The following ARL15 variants were observed in gnomAD, a reference collection of about 807,000 sequenced individuals.
ARL15 encodes the protein ADP-ribosylation factor-like protein 15.
A neutral mutation model predicts 25.2 loss-of-function variants in ARL15; 19 were observed. The observed-to-expected ratio is 0.75, with a 90% CI of 0.53 to 1.10. The LOEUF (loss-of-function observed/expected upper bound fraction) is 1.10, where lower values mean the gene tolerates loss of function less well. Ranked by LOEUF, ARL15 falls within the 50% of genes least tolerant of loss-of-function variation. ARL15 has a pLI of 0.00. For missense variants in ARL15, 220 were observed against 246.0 expected (o/e 0.89, Z 0.71); for synonymous variants, 94 against 86.8 (o/e 1.08, Z -0.46).
At chr5:53,967,074 A>G (rs993342797) in intron 4 of ARL15, among the ~76,000 whole-genome samples, 11 of 152,244 alleles carry the variant, frequency 7.2e-5, no homozygotes, top group African/African-American at 2.7e-4. Context: ...AAGTCAGTTC[A>G]TATATTATAA....
chr5:54,027,844 AAG>A (rs1483708104), intron 4 of ARL15, among the ~76,000 whole-genome samples: 1 of 152,188 alleles, frequency 6.6e-6, no homozygotes, highest in Admixed American at 6.5e-5. Flanking sequence ...ATTCCCAGAA[AAG>A]AGTCATTACT....
chr5:54,116,234 A>G (rs1349166619), intron 3 of ARL15, among the ~76,000 whole-genome samples: 3 of 152,168 alleles, frequency 2.0e-5, no homozygotes, highest in Admixed American at 2.0e-4. Context: ...AGCCAAGGGC[A>G]GGCCTCTGGA....
chr5:53,908,375 TC>T (rs1206770830), intron 4 of ARL15, among the ~76,000 whole-genome samples: 3 of 152,328 alleles, frequency 2.0e-5, no homozygotes, highest in Non-Finnish European at 2.9e-5. Flanking sequence ...GAACTTTTTT[TC>T]CTCATCATTA....
chr5:54,068,411 T>A (rs561068395), intron 4 of ARL15, among the ~76,000 whole-genome samples: 1 of 152,310 alleles, frequency 6.6e-6, no homozygotes, highest in South Asian at 2.1e-4. Context: ...GTATCCAACA[T>A]TTATGGAAAA....
At chr5:54,074,453 AAAC>A (rs1406653937) in intron 4 of ARL15, among the ~76,000 whole-genome samples, 1 of 152,210 alleles carries the variant, frequency 6.6e-6, no homozygotes, top group Non-Finnish European at 1.5e-5. Context: ...GTAAGCTAAT[AAAC>A]AACTGAGAAG....
intron 4 of ARL15, among the ~76,000 whole-genome samples, chr5:53,925,486 T>A (rs552883304): frequency 7.9e-5 from 12 of 152,190 alleles, no homozygotes; most frequent in Non-Finnish European, 1.5e-5. Context: ...CGTGAACCAC[T>A]GTGCCTGGCC....
chr5:54,305,210 C>T (rs1279862811), intron 1 of ARL15, among the ~76,000 whole-genome samples: 2 of 152,020 alleles, frequency 1.3e-5, no homozygotes, highest in East Asian at 3.8e-4. Context: ...TATTAAATCC[C>T]AAACACTGGC....
At chr5:54,206,168 G>C (rs1202254160) in intron 1 of ARL15, among the ~76,000 whole-genome samples, 2 of 152,140 alleles carry the variant, frequency 1.3e-5, no homozygotes, top group Non-Finnish European at 2.9e-5. Flanking sequence ...AGTTTATGTA[G>C]AGTTGCAAGG....
intron 1 of ARL15, among the ~76,000 whole-genome samples, chr5:54,245,726 TACAG>T (rs1757071594): frequency 6.6e-6 from 1 of 152,154 alleles, no homozygotes; most frequent in Admixed American, 6.5e-5. Flanking sequence ...TAGCTGGGAT[TACAG>T]ACATCTGCCA....
At chr5:54,042,347 T>C (rs1750368899) in intron 4 of ARL15, among the ~76,000 whole-genome samples, 1 of 152,226 alleles carries the variant, frequency 6.6e-6, no homozygotes, top group African/African-American at 2.4e-5. Context: ...GTATGCTTCA[T>C]ATCATGAAAA....
At chr5:53,932,908 TCTC>T (rs767201428) in intron 4 of ARL15, among the ~76,000 whole-genome samples, 14 of 152,248 alleles carry the variant, frequency 9.2e-5, no homozygotes, top group Middle Eastern at 6.8e-3. Context: ...GCCCCAATAA[TCTC>T]CTTTCTCGTA....
intron 4 of ARL15, among the ~76,000 whole-genome samples, chr5:53,947,140 G>A (rs1434743951): frequency 6.8e-6 from 1 of 147,412 alleles, no homozygotes; most frequent in Non-Finnish European, 1.5e-5. Context: ...GTAAACAAAG[G>A]TCTAGCCAAA....
At chr5:54,220,807 A>T (rs891101791) in intron 1 of ARL15, among the ~76,000 whole-genome samples, 4 of 152,176 alleles carry the variant, frequency 2.6e-5, no homozygotes, top group Admixed American at 2.6e-4. Flanking sequence ...CATGGTGACC[A>T]ATAAATTGTG....
chr5:54,028,061 C>T (rs985615291), intron 4 of ARL15, among the ~76,000 whole-genome samples: 9 of 152,020 alleles, frequency 5.9e-5, no homozygotes, highest in Non-Finnish European at 1.2e-4. Context: ...GGTGGGATTA[C>T]AGGCACCCGC....
intron 1 of ARL15, among the ~76,000 whole-genome samples, chr5:54,187,148 C>G (rs1431007240): frequency 6.6e-6 from 1 of 152,152 alleles, no homozygotes; most frequent in Non-Finnish European, 1.5e-5. Context: ...GCCACTTATG[C>G]TAACTGCTTG....
At chr5:53,987,374 T>G (rs555711153) in intron 4 of ARL15, among the ~76,000 whole-genome samples, 1 of 152,222 alleles carries the variant, frequency 6.6e-6, no homozygotes, top group African/African-American at 2.4e-5. Context: ...AGATCTAGCC[T>G]CGTCCTTCCA....
intron 4 of ARL15, among the ~76,000 whole-genome samples, chr5:54,098,705 C>G (rs757475931): frequency 5.3e-5 from 8 of 152,216 alleles, no homozygotes; most frequent in Non-Finnish European, 1.0e-4. Context: ...TCCTCTTCTG[C>G]CCTGTTTTCA....
intron 1 of ARL15, among the ~76,000 whole-genome samples, chr5:54,208,735 A>G (rs1331509186): frequency 6.6e-6 from 1 of 152,210 alleles, no homozygotes; most frequent in Admixed American, 6.5e-5. Flanking sequence ...AAGCTAAAGA[A>G]CACAAAGACC....
At chr5:54,041,993 C>T (rs1328412950) in intron 4 of ARL15, among the ~76,000 whole-genome samples, 4 of 146,002 alleles carry the variant, frequency 2.7e-5, no homozygotes, top group South Asian at 2.2e-4. Context: ...TTTTTTGAGA[C>T]GGAGTCTCGC....
Sources: gnomAD v4.1 joint callset for allele counts (sites outside exome capture counted in the v4.1 genomes callset) on GRCh38, gnomAD v4.1.1 for gene constraint, MANE v1.5 for transcripts, NCBI Gene and HGNC (gene_info 2026-07-23, HGNC 2026-07-21) for gene names.